FSIP1: variants seen among roughly 807,000 people sequenced by gnomAD.
FSIP1 encodes fibrous sheath-interacting protein 1.
In FSIP1, 65 loss-of-function variants were observed where a neutral mutation model predicts 60.9. That is an observed-to-expected ratio of 1.07 (90% CI 0.87 to 1.31). The LOEUF is 1.31. FSIP1 is among the 40% of genes most tolerant of loss of function. FSIP1 has a pLI of 0.00. For missense variants in FSIP1, 675 were observed against 665.5 expected (o/e 1.01, Z -0.16); for synonymous variants, 209 against 221.2 (o/e 0.94, Z 0.49).
chr15:39,613,264 A>G (rs1024556713), intron 11 of FSIP1, among the ~76,000 whole-genome samples: 3 of 152,190 alleles, frequency 2.0e-5, no homozygotes, highest in Non-Finnish European at 2.9e-5. Flanking sequence ...ATGAAAGAGG[A>G]GACATTACAA....
intron 5 of FSIP1, among the ~76,000 whole-genome samples, chr15:39,745,070 C>A (rs968692298): frequency 6.6e-6 from 1 of 151,884 alleles, no homozygotes; most frequent in Non-Finnish European, 1.5e-5. Context: ...GAGAGAACAG[C>A]AAGGACCAGA....
rs530185559 is a variant in FSIP1, at chr15:39,614,925, T to C, written c.1699+2810A>G. On this transcript the variant is annotated intron_variant, in intron 11 of 11. Transcript: ENST00000350221. ...AATTATAATTGCAACAACATGCTAC[T>C]GGCATAAAAACAGATAAGTCAATCA... Among the ~76,000 whole-genome samples the C allele has an allele frequency of 1.8e-3, 279 of 152,316 alleles. 1 individual carries two copies. Among genetic ancestry groups the C allele is most frequent in the Admixed American group, 3.5e-3 (54 of 15,294 alleles).
At chr15:39,777,562 G>A (rs890895743) in intron 1 of FSIP1, among the ~76,000 whole-genome samples, 4 of 152,132 alleles carry the variant, frequency 2.6e-5, no homozygotes, top group Admixed American at 6.5e-5. Flanking sequence ...TACTAGGCAG[G>A]GTGGCATAAG....
intron 10 of FSIP1, among the ~76,000 whole-genome samples, chr15:39,678,443 A>G (rs1894031495): frequency 6.6e-6 from 1 of 152,286 alleles, no homozygotes; most frequent in Admixed American, 6.5e-5. Context: ...AAATGAGCAC[A>G]TACTTTAAAA....
At chr15:39,604,210 C>T (rs1299420442) in intron 11 of FSIP1, among the ~76,000 whole-genome samples, 2 of 152,200 alleles carry the variant, frequency 1.3e-5, no homozygotes, top group Admixed American at 6.5e-5. Context: ...GGATTACAGG[C>T]GTGAGCCACA....
rs542523952 is a variant in FSIP1 at position 39,765,656 on chromosome 15, C to T, written c.401G>A (p.Arg134His). 1.1e-5 allele frequency: 17 copies of T among 1,604,356 alleles called. No individual in the cohort carries two copies. Among genetic ancestry groups the T allele is most frequent in the South Asian group, 9.0e-5 (8 of 89,288 alleles). Residue 134 changes from arginine (R) to histidine (H), a missense_variant, in exon 4 of 12, where the codon CGC becomes CAC. Transcript: ENST00000350221. The part of the protein sequence containing the change: ...KLDKILAKKQ[R>H]REKEIKKQGL... ...TTGCTTCTTAATTTCTTTTTCTCTGCGTTGTTTCTTTGCCAATATTTTATC... is the reference window on the plus strand; with the variant it reads ...TTGCTTCTTAATTTCTTTTTCTCTGTGTTGTTTCTTTGCCAATATTTTATC...
At chr15:39,757,600 A>C (rs975450724) in intron 5 of FSIP1, among the ~76,000 whole-genome samples, 1 of 152,158 alleles carries the variant, frequency 6.6e-6, no homozygotes, top group African/African-American at 2.4e-5. Context: ...AATTTAAAAA[A>C]AACAGATATG....
intron 10 of FSIP1, among the ~76,000 whole-genome samples, chr15:39,652,577 C>T (rs1391096930): frequency 6.6e-6 from 1 of 152,070 alleles, no homozygotes; most frequent in Non-Finnish European, 1.5e-5. Context: ...ATCTTGGATC[C>T]TACTTATCTA....
At chr15:39,645,675 T>TGCTGCC (rs1217754957) in intron 10 of FSIP1, among the ~76,000 whole-genome samples, 2 of 152,244 alleles carry the variant, frequency 1.3e-5, no homozygotes, top group African/African-American at 4.8e-5. Context: ...CTGCAGCTGC[T>TGCTGCC]GCTGCCCTCC....
chr15:39,782,607 C>T (rs942896518), intron 1 of FSIP1, 21 bp downstream of exon 1: 2 of 152,598 alleles, frequency 1.3e-5, no homozygotes, highest in Non-Finnish European at 2.9e-5. Flanking sequence ...GAGCTCCGCC[C>T]TCATCTGCGC....
At chr15:39,729,315 T>C (rs1351674935) in intron 8 of FSIP1, among the ~76,000 whole-genome samples, 3 of 152,344 alleles carry the variant, frequency 2.0e-5, no homozygotes, top group East Asian at 3.9e-4. Flanking sequence ...CTCATGCCTA[T>C]AATTCTAGCA....
intron 10 of FSIP1, among the ~76,000 whole-genome samples, chr15:39,660,051 A>C (rs1004631610): frequency 3.3e-5 from 5 of 152,054 alleles, no homozygotes; most frequent in African/African-American, 1.2e-4. Flanking sequence ...AAAATGGCCA[A>C]CCTCCAACTA....
chr15:39,782,023 T>C (rs2140747749), intron 1 of FSIP1, among the ~76,000 whole-genome samples: 1 of 152,380 alleles, frequency 6.6e-6, no homozygotes, highest in East Asian at 1.9e-4. Flanking sequence ...GTTATGCTCA[T>C]ACATCCATAA....
In FSIP1 at chr15:39,762,035, G is replaced by A. The variant is rs187393828; in HGVS notation, c.559+1786C>T. On this transcript the variant is annotated intron_variant, in intron 5 of 11. Coordinates refer to ENST00000350221, the MANE Select transcript of FSIP1 (RefSeq NM_152597.5). ...GATGCCTGGAGCAGGTCAGGGGGCCGTATGTCTAGTCTTGGTTATTCTCTG... is the reference window on the plus strand; with the variant it reads ...GATGCCTGGAGCAGGTCAGGGGGCCATATGTCTAGTCTTGGTTATTCTCTG... Among the ~76,000 whole-genome samples, 115 of 152,312 alleles carry A rather than the reference G, an allele frequency of 7.6e-4. 1 individual carries two copies. Among genetic ancestry groups the A allele is most frequent in the African/African-American group, 2.6e-3 (107 of 41,572 alleles).
chr15:39,605,060 G>T (rs971269828), intron 11 of FSIP1, among the ~76,000 whole-genome samples: 4 of 152,078 alleles, frequency 2.6e-5, no homozygotes, highest in African/African-American at 9.7e-5. Context: ...CGGCAACCAG[G>T]CCTCATCCAG....
At chr15:39,689,717 C>T (rs1239989126) in intron 10 of FSIP1, among the ~76,000 whole-genome samples, 1 of 152,206 alleles carries the variant, frequency 6.6e-6, no homozygotes, top group East Asian at 1.9e-4. Context: ...CACAATATCA[C>T]ACATACTTAA....
At chr15:39,641,947 T>C (rs543143366) in intron 10 of FSIP1, among the ~76,000 whole-genome samples, 1 of 152,324 alleles carries the variant, frequency 6.6e-6, no homozygotes, top group Non-Finnish European at 1.5e-5. Context: ...TTGATTATAG[T>C]GTATTATAGA....
At chr15:39,716,616 A>G (rs1317752551) in intron 9 of FSIP1, among the ~76,000 whole-genome samples, 1 of 152,204 alleles carries the variant, frequency 6.6e-6, no homozygotes. Context: ...AAGAACATGA[A>G]AACCTCCTCA....
At chr15:39,654,084 TCTC>T (rs1892979375) in intron 10 of FSIP1, among the ~76,000 whole-genome samples, 1 of 152,162 alleles carries the variant, frequency 6.6e-6, no homozygotes, top group Admixed American at 6.5e-5. Flanking sequence ...AGAGCTGTCA[TCTC>T]CTACGACAAC....
Sources: gnomAD v4.1 joint callset for allele counts (sites outside exome capture counted in the v4.1 genomes callset) on GRCh38, gnomAD v4.1.1 for gene constraint, MANE v1.5 for transcripts, NCBI Gene and HGNC (gene_info 2026-07-23, HGNC 2026-07-21) for gene names.